The following VIPR2 variants were observed in gnomAD, a reference collection of about 807,000 sequenced individuals.
The protein encoded by VIPR2 is vasoactive intestinal polypeptide receptor 2.
Under a neutral mutation model 58.0 loss-of-function variants are expected in VIPR2, and 48 were observed. The observed-to-expected ratio is 0.83, with a 90% CI of 0.66 to 1.05. VIPR2 has a LOEUF of 1.05. Among genes scored for constraint, VIPR2 ranks in the 50% least tolerant of loss-of-function variants. The probability of loss-of-function intolerance (pLI) is 0.00; values close to 1 mark genes in which losing one functional copy is unlikely to be tolerated. For missense variants in VIPR2, 534 were observed against 558.0 expected, an observed-to-expected ratio of 0.96 and a Z score of 0.43; for synonymous variants, 243 against 235.2, an observed-to-expected ratio of 1.03 and a Z score of -0.30.
intron 3 of VIPR2, among the ~76,000 whole-genome samples, chr7:159,106,144 G>A (rs534363511): frequency 6.6e-6 from 1 of 152,352 alleles, no homozygotes; most frequent in African/African-American, 2.4e-5. Flanking sequence ...CCAGGACCTC[G>A]GTGGGAGCTG....
chr7:159,050,500 C>T (rs1338472964), intron 5 of VIPR2, among the ~76,000 whole-genome samples: 1 of 151,254 alleles, frequency 6.6e-6, no homozygotes, highest in Non-Finnish European at 1.5e-5. Flanking sequence ...TTAAGACAAT[C>T]AAATAGAAAA....
chr7:159,122,621 G>C (rs1423730930), intron 2 of VIPR2, among the ~76,000 whole-genome samples: 2 of 152,204 alleles, frequency 1.3e-5, no homozygotes, highest in African/African-American at 4.8e-5. Context: ...TCACATACAG[G>C]TGCAGGGCAC....
chr7:159,075,432 C>G (rs1856585955), intron 4 of VIPR2, among the ~76,000 whole-genome samples: 1 of 152,246 alleles, frequency 6.6e-6, no homozygotes, highest in Admixed American at 6.5e-5. Flanking sequence ...CCAGTTTTGG[C>G]TTTGAAGTCT....
In VIPR2 at chr7:159,031,544, C is replaced by T. The variant is rs1459025139; in HGVS notation, c.1143+284G>A. 1 of 985,228 alleles carries T rather than the reference C, an allele frequency of 1.0e-6. No individual in the cohort carries two copies. The highest frequency in any genetic ancestry group is 1.2e-6 in the Non-Finnish European group (1 of 829,926). The allele number at this position is 985,228 out of a possible 1,614,324, so 61.0% of individuals were successfully genotyped here. ...GACCATGGGGAAAAACAGATTCTGTCTAGACCCGGCCGGGAGCTTTCCCGA... is the reference window on the plus strand; with the variant it reads ...GACCATGGGGAAAAACAGATTCTGTTTAGACCCGGCCGGGAGCTTTCCCGA... On this transcript the variant is annotated intron_variant, in intron 12 of 12. Coordinates refer to ENST00000262178, the MANE Select transcript of VIPR2 (RefSeq NM_003382.5). The surrounding 1 kb of genome is among the most constrained non-coding windows in gnomAD (Gnocchi z 4.0).
chr7:159,106,175 C>T (rs751269889), intron 3 of VIPR2, among the ~76,000 whole-genome samples: 30 of 152,244 alleles, frequency 2.0e-4, no homozygotes, highest in Non-Finnish European at 3.7e-4. Context: ...TCATCCTCTG[C>T]GAGGTGCAGC....
rs376477614 is a variant in VIPR2 at position 159,034,198 on chromosome 7, G to A, written c.971+15C>T. Reference sequence around the variant, plus strand: ...CATCCCCATCAGGGACGGCCAGGCCGGGACACACACTCACTTGTACTGAGA... The same window carrying A: ...CATCCCCATCAGGGACGGCCAGGCCAGGACACACACTCACTTGTACTGAGA... On this transcript the variant is annotated intron_variant, in intron 10 of 12. Coordinates refer to ENST00000262178, the MANE Select transcript of VIPR2 (RefSeq NM_003382.5). 2.0e-5 allele frequency: 32 copies of A among 1,612,984 alleles called. No homozygotes were observed. The highest frequency in any genetic ancestry group is 2.7e-5 in the African/African-American group (2 of 74,904).
intron 4 of VIPR2, among the ~76,000 whole-genome samples, chr7:159,102,072 A>G (rs7781792): frequency 0.53 from 26,039 of 49,348 alleles, 4,877 homozygotes; most frequent in African/African-American, 0.66. Context: ...CGACGAGGCC[A>G]TTCCCCCGAC....
chr7:159,109,550 G>A (rs551294163), intron 3 of VIPR2, among the ~76,000 whole-genome samples: 93 of 152,292 alleles, frequency 6.1e-4, no homozygotes, highest in Non-Finnish European at 1.1e-3. Context: ...CGTTTCCCGT[G>A]CTTTGGTTCC....
chr7:159,038,464 CAG>C (rs1854112866), intron 6 of VIPR2, among the ~76,000 whole-genome samples: 1 of 152,162 alleles, frequency 6.6e-6, no homozygotes, highest in Non-Finnish European at 1.5e-5. Flanking sequence ...GGCATCAGGA[CAG>C]AGCCTCTTAT....
chr7:159,137,530 C>T (rs907963969), intron 2 of VIPR2, among the ~76,000 whole-genome samples: 2 of 152,082 alleles, frequency 1.3e-5, no homozygotes. Flanking sequence ...GTGTGTGTCA[C>T]CACACCAGGT....
chr7:159,031,720 C>T lies in VIPR2; in HGVS notation c.1143+108G>A. The stretch of plus-strand genomic sequence containing the variant: ...AACTGTGGGGTCCCGGGCAGTAACT[C>T]GAGCCCGCGGAAGACAGGCATGTGT... On this transcript the variant is annotated intron_variant, in intron 12 of 12. Transcript: ENST00000262178. The surrounding 1 kb of genome is among the most constrained non-coding windows in gnomAD (Gnocchi z 4.0). 7 of 1,586,036 alleles carry T rather than the reference C, an allele frequency of 4.4e-6. No individual in the cohort carries two copies. Among genetic ancestry groups the T allele is most frequent in the South Asian group, 3.4e-5 (3 of 87,552 alleles).
At chr7:159,105,295 C>T (rs1858580792) in intron 3 of VIPR2, among the ~76,000 whole-genome samples, 1 of 152,212 alleles carries the variant, frequency 6.6e-6, no homozygotes, top group Non-Finnish European at 1.5e-5. Context: ...ACTCCTGGCA[C>T]AGCCAGAGCG....
rs115962514 is a variant in VIPR2, at chr7:159,089,915, C to A, written c.357+13842G>T. Among the ~76,000 whole-genome samples the A allele has an allele frequency of 8.6e-3, 1,314 of 152,336 alleles. 18 individuals carry two copies. Among genetic ancestry groups the A allele is most frequent in the African/African-American group, 0.03 (1,231 of 41,570 alleles). On this transcript the variant is annotated intron_variant, in intron 4 of 12. Coordinates refer to ENST00000262178, the MANE Select transcript of VIPR2 (RefSeq NM_003382.5). ...GTTACACGTGGAGAGAAAAGAAGAG[C>A]AAATCAGGACTTAAAAAATTACTGT... is the stretch of plus-strand genomic sequence containing the variant.
intron 6 of VIPR2, among the ~76,000 whole-genome samples, chr7:159,042,382 A>G (rs1271556908): frequency 6.6e-6 from 1 of 152,230 alleles, no homozygotes; most frequent in East Asian, 1.9e-4. Flanking sequence ...GGAGGTGCTC[A>G]ACAGCACCTG....
Position 159,097,189 on chromosome 7 carries a change from C to A in VIPR2, c.357+6568G>T, listed in dbSNP as rs1333849347. 14 of 1,435,528 alleles carry A rather than the reference C, an allele frequency of 9.8e-6. No individual in the cohort carries two copies. Among genetic ancestry groups the A allele is most frequent in the Non-Finnish European group, 1.3e-5 (14 of 1,090,586 alleles). The allele number at this position is 1,435,528 out of a possible 1,614,324, so 88.9% of individuals were successfully genotyped here. A position where few individuals can be genotyped will look rare whatever the true frequency, so the allele number is the denominator to read the frequency against. On this transcript the variant is annotated intron_variant, in intron 4 of 12. Coordinates refer to ENST00000262178, the MANE Select transcript of VIPR2 (RefSeq NM_003382.5). The surrounding 1 kb of genome is among the most constrained non-coding windows in gnomAD (Gnocchi z 5.3). ...ATCTTTGTCACCAGGGATGGGAGCCCTGGGGAGTGAAGTTTGCCATCAGTG... is the reference window on the plus strand; with the variant it reads ...ATCTTTGTCACCAGGGATGGGAGCCATGGGGAGTGAAGTTTGCCATCAGTG...
At position 159,031,907 on chromosome 7, in the gene VIPR2, CGG is replaced by C; in HGVS notation, c.1101+29_1101+30del. 6.2e-7 allele frequency: 1 copy of C among 1,614,076 alleles called. No individual in the cohort carries two copies. Among genetic ancestry groups the C allele is most frequent in the Non-Finnish European group, 8.5e-7 (1 of 1,180,052 alleles). Reference sequence around the variant, plus strand: ...GAGATGGTCAGGCAGGACCCGCGCTCGGGGGAGGGCGGCCGCCTCCGCACACC... The same window carrying C: ...GAGATGGTCAGGCAGGACCCGCGCTCGGGAGGGCGGCCGCCTCCGCACACC... On this transcript the variant is annotated intron_variant, in intron 11 of 12. Transcript: ENST00000262178. This position sits in a 1 kb window ranked among gnomAD's most constrained non-coding sequence, Gnocchi z 4.0.
At position 159,099,668 on chromosome 7, in the gene VIPR2, C is replaced by A. The variant is rs1484708857; in HGVS notation, c.357+4089G>T. Among the ~76,000 whole-genome samples the A allele has an allele frequency of 1.3e-5, 2 of 152,124 alleles. No individual in the cohort carries two copies. The highest frequency in any genetic ancestry group is 4.8e-5 in the African/African-American group (2 of 41,412). On this transcript the variant is annotated intron_variant, in intron 4 of 12. Transcript: ENST00000262178. This position sits in a 1 kb window ranked among gnomAD's most constrained non-coding sequence, Gnocchi z 4.2. ...TCTGCTCTTCACCAGCACCTCTGTC[C>A]TAATGTCTCCCAGGCACAGTTGCCG...
At chr7:159,110,027 C>T (rs1267192358) in intron 2 of VIPR2, 108 bp from the exon 3 acceptor site, 7 of 962,650 alleles carry the variant, frequency 7.3e-6, no homozygotes, top group Non-Finnish European at 1.1e-5. Flanking sequence ...CTGTGAAACA[C>T]ACTTGCACCA....
chr7:159,104,326 C>T (rs1858494206), intron 3 of VIPR2, among the ~76,000 whole-genome samples: 1 of 150,528 alleles, frequency 6.6e-6, no homozygotes, highest in Non-Finnish European at 1.5e-5. Context: ...AGCACCCTCC[C>T]TCCTCCCGGC....
Sources: gnomAD v4.1 joint callset for allele counts (sites outside exome capture counted in the v4.1 genomes callset) on GRCh38, gnomAD v4.1.1 for gene constraint, Gnocchi (gnomAD v3.1) non-coding constraint, MANE v1.5 for transcripts, NCBI Gene and HGNC (gene_info 2026-07-23, HGNC 2026-07-21) for gene names.